BCL9: variants seen among roughly 807,000 people sequenced by gnomAD.
The protein encoded by BCL9 is B-cell CLL/lymphoma 9 protein.
In BCL9, 25 loss-of-function variants were observed where a neutral mutation model predicts 88.5. That is an observed-to-expected ratio of 0.28 (90% CI 0.21 to 0.39). The LOEUF is 0.39. Among genes scored for constraint, BCL9 ranks in the 10% least tolerant of loss-of-function variants. BCL9 has a pLI of 1.00. For synonymous variants in BCL9, 711 were observed against 673.3 expected, an observed-to-expected ratio of 1.06 and a Z score of -0.87; for missense variants, 1,817 against 1,877.8, an observed-to-expected ratio of 0.97 and a Z score of 0.60.
chr1:147,586,904 C>A (rs1396991638), intron 1 of BCL9, among the ~76,000 whole-genome samples: 5 of 152,050 alleles, frequency 3.3e-5, no homozygotes, highest in African/African-American at 1.2e-4. Context: ...AATTCCAGGC[C>A]CATCTCCTGC....
intron 1 of BCL9, among the ~76,000 whole-genome samples, chr1:147,587,597 G>A (rs1656672826): frequency 6.6e-6 from 1 of 152,226 alleles, no homozygotes; most frequent in African/African-American, 2.4e-5. Context: ...GTTGTAGGAT[G>A]TTGTGCCCAG....
chr1:147,601,516 A>G (rs974401613), intron 1 of BCL9, among the ~76,000 whole-genome samples: 2 of 152,230 alleles, frequency 1.3e-5, no homozygotes, highest in Non-Finnish European at 2.9e-5. Context: ...ACTAACAGAC[A>G]GTAAGGATAA....
chr1:147,610,486 C>T (rs587699343), intron 3 of BCL9, among the ~76,000 whole-genome samples: 4 of 152,224 alleles, frequency 2.6e-5, no homozygotes, highest in Admixed American at 2.6e-4. Flanking sequence ...ATAATTGATC[C>T]TCCCAATTTT....
intron 1 of BCL9, among the ~76,000 whole-genome samples, chr1:147,587,244 C>T (rs1313414220): frequency 6.8e-6 from 1 of 147,710 alleles, no homozygotes; most frequent in Non-Finnish European, 1.5e-5. Context: ...AACCCAACGA[C>T]AGTAGCTTAC....
In BCL9 at chr1:147,611,855, A is replaced by G; in HGVS notation, c.19A>G (p.Lys7Glu). The G allele has an allele frequency of 1.2e-6, 2 of 1,614,174 alleles. No individual in the cohort carries two copies. Among genetic ancestry groups the G allele is most frequent in the Non-Finnish European group, 1.7e-6 (2 of 1,180,016 alleles). The change falls in exon 4 of 10, where the codon AAA becomes GAA. Residue 7 changes from lysine to glutamate, a missense_variant. Lys to Glu is a moderately conservative substitution (Grantham distance 56). Around this residue, in one of 2 missense-constraint regions of BCL9, gnomAD observed 1,228 missense variants for 1,191.6 expected, o/e 1.03. Transcript: ENST00000234739. ...TCAATCAATGCATTCCAGTAACCCT[A>G]AAGTGAGGAGCTCTCCATCAGGAAA... is the stretch of plus-strand genomic sequence containing the variant. MHSSNP[K>E]VRSSPSGNTQ...
At chr1:147,609,345 G>A (rs1186961547) in intron 3 of BCL9, among the ~76,000 whole-genome samples, 1 of 152,166 alleles carries the variant, frequency 6.6e-6, no homozygotes, top group Non-Finnish European at 1.5e-5. Context: ...ATTTCCTTGG[G>A]CTAGGGATTG....
chr1:147,557,698 G>A (rs6666306), intron 1 of BCL9, among the ~76,000 whole-genome samples: 69,902 of 151,998 alleles, frequency 0.46, 19,945 homozygotes, highest in African/African-American at 0.82. Flanking sequence ...GAAAAAATAT[G>A]TATACATGTA....
chr1:147,615,142 T>C (rs1307184520), intron 6 of BCL9, among the ~76,000 whole-genome samples: 1 of 152,024 alleles, frequency 6.6e-6, no homozygotes, highest in African/African-American at 2.4e-5. Flanking sequence ...CGCCTGGCCA[T>C]ATATACCTCT....
intron 1 of BCL9, among the ~76,000 whole-genome samples, chr1:147,559,497 G>C (rs1159968268): frequency 2.0e-5 from 3 of 152,122 alleles, no homozygotes; most frequent in Non-Finnish European, 2.9e-5. Context: ...CCAAACTATA[G>C]ATAGGTGAAG....
In BCL9 at chr1:147,623,397, A is replaced by C. The variant is rs148954425; in HGVS notation, c.3164-445A>C. 3.9e-4 allele frequency among the ~76,000 whole-genome samples: 59 copies of C among 152,352 alleles called. 1 individual carries two copies. In the East Asian group the frequency reaches 0.011, roughly 29 times the overall value. On this transcript the variant is annotated intron_variant, in intron 9 of 9. Transcript: ENST00000234739. ...ATGCTTTCTCTATAAGGCACTTATAAAATAATGCCAAATGCCAATTGAAAA... is the reference window on the plus strand; with the variant it reads ...ATGCTTTCTCTATAAGGCACTTATACAATAATGCCAAATGCCAATTGAAAA...
At chr1:147,588,429 T>G (rs1656711516) in intron 1 of BCL9, among the ~76,000 whole-genome samples, 1 of 152,162 alleles carries the variant, frequency 6.6e-6, no homozygotes, top group African/African-American at 2.4e-5. Context: ...AAAACGACAG[T>G]ATACACTTAC....
At chr1:147,554,477 G>A (rs1553195172) in intron 1 of BCL9, among the ~76,000 whole-genome samples, 2 of 152,180 alleles carry the variant, frequency 1.3e-5, no homozygotes, top group African/African-American at 4.8e-5. Flanking sequence ...TCAGAGATAG[G>A]CAGGATAATT....
Position 147,624,725 on chromosome 1 carries a change from C to G in BCL9, c.4047C>G (p.Ser1349Arg). Residue 1349 changes from serine (S) to arginine (R), a missense_variant, in exon 10 of 10, where the codon AGC (serine) becomes AGG (arginine). By Grantham distance (110) the Ser-to-Arg change is moderately radical (BLOSUM62 -1). This residue lies in a region of BCL9 where 589 missense variants were observed against 686.2 expected (regional missense o/e 0.86). Coordinates refer to ENST00000234739, the MANE Select transcript of BCL9 (RefSeq NM_004326.4). This position sits in a 1 kb window ranked among gnomAD's most constrained non-coding sequence, Gnocchi z 4.4. Reference protein sequence around the residue: ...STMPGQPTLMSNPAAAVGMIP... With the variant: ...STMPGQPTLMRNPAAAVGMIP... ...TGCCCGGCCAGCCCACCCTGATGAG[C>G]AATCCAGCTGCTGCCGTGGGCATGA... 1.2e-6 allele frequency: 2 copies of G among 1,614,176 alleles called. No individual in the cohort carries two copies. Among genetic ancestry groups the G allele is most frequent in the Non-Finnish European group, 1.7e-6 (2 of 1,180,016 alleles).
chr1:147,603,020 C>T (rs77985307), intron 1 of BCL9, among the ~76,000 whole-genome samples: 4,098 of 152,280 alleles, frequency 0.027, 96 homozygotes, highest in Admixed American at 0.055. Context: ...CTCATAATGG[C>T]GTTTCTGCCT....
At chr1:147,587,128 C>T (rs992673316) in intron 1 of BCL9, among the ~76,000 whole-genome samples, 2 of 152,024 alleles carry the variant, frequency 1.3e-5, no homozygotes, top group African/African-American at 4.8e-5. Flanking sequence ...TCACTTACTC[C>T]GTGCCACATT....
chr1:147,547,460 A>T (rs1654658930), intron 1 of BCL9, among the ~76,000 whole-genome samples: 2 of 152,204 alleles, frequency 1.3e-5, no homozygotes, highest in African/African-American at 4.8e-5. Context: ...TAGGAATATC[A>T]TCTTGCTTGG....
rs1658583081 is a variant in BCL9, at chr1:147,620,726, C to A, written c.2571C>A (p.Ser857=). 1 of 1,614,008 alleles carries A rather than the reference C, an allele frequency of 6.2e-7. No individual in the cohort carries two copies. The highest frequency in any genetic ancestry group is 1.3e-5 in the African/African-American group (1 of 74,928). The change falls in exon 8 of 10, where the codon TCC becomes TCA. Residue 857 remains serine, a synonymous_variant. Transcript: ENST00000234739. The part of the protein sequence containing the change: ...DISVAGSQVH[S]PGINPLKSPT... The stretch of plus-strand genomic sequence containing the variant: ...CTGTGGCAGGCAGCCAGGTGCATTC[C>A]CCAGGCATTAACCCTCTGAAGTCTC...
At chr1:147,564,540 C>T (rs1655521475) in intron 1 of BCL9, among the ~76,000 whole-genome samples, 1 of 152,062 alleles carries the variant, frequency 6.6e-6, no homozygotes, top group South Asian at 2.1e-4. Context: ...ACGTCTGAGT[C>T]TCAATTTCCT....
At chr1:147,565,925 C>T (rs1245927633) in intron 1 of BCL9, among the ~76,000 whole-genome samples, 5 of 152,134 alleles carry the variant, frequency 3.3e-5, no homozygotes, top group African/African-American at 1.2e-4. Context: ...CAGAGGCCAG[C>T]GCTTTTCTAG....
Sources: allele counts gnomAD v4.1 joint callset (sites outside exome capture counted in the v4.1 genomes callset), GRCh38; gene constraint gnomAD v4.1.1; regional missense constraint gnomAD v4.1.1; non-coding constraint Gnocchi (gnomAD v3.1); transcripts MANE v1.5; gene names NCBI Gene and HGNC (gene_info 2026-07-23, HGNC 2026-07-21).